Variants in MAP3K10 observed in about 807,000 individuals in gnomAD.
The protein encoded by MAP3K10 is mitogen-activated protein kinase kinase kinase 10.
Under a neutral mutation model 75.0 loss-of-function variants are expected in MAP3K10, and 22 were observed. The ratio of observed to expected loss-of-function variants is 0.29; its 90% CI spans 0.21 to 0.42. MAP3K10 has a LOEUF of 0.42. MAP3K10 is among the 10% of genes least tolerant of loss of function. The probability of loss-of-function intolerance (pLI) is 1.00; values close to 1 mark genes in which losing one functional copy is unlikely to be tolerated. For synonymous variants in MAP3K10, 599 were observed against 612.9 expected, an observed-to-expected ratio of 0.98 and a Z score of 0.34; for missense variants, 1,165 against 1,379.8, an observed-to-expected ratio of 0.84 and a Z score of 2.47.
At chr19:40,196,483 C>T (rs1328255877) in intron 1 of MAP3K10, among the ~76,000 whole-genome samples, 1 of 152,126 alleles carries the variant, frequency 6.6e-6, no homozygotes, top group Non-Finnish European at 1.5e-5. Context: ...CACTGCACTC[C>T]AGTCTGAGTG....
rs548098952 is a variant in MAP3K10 at position 40,209,538 on chromosome 19, G to A, written c.1552+319G>A. Among the ~76,000 whole-genome samples, 52 of 151,528 alleles carry A rather than the reference G, an allele frequency of 3.4e-4. No individual in the cohort carries two copies. In the South Asian group the frequency reaches 5.8e-3, roughly 17 times the overall value. ...AGCGATTCTCCTGCCTCAGCCTCCCGAGTAGCTGTGGTTACAGTCACACAT... is the reference window on the plus strand; with the variant it reads ...AGCGATTCTCCTGCCTCAGCCTCCCAAGTAGCTGTGGTTACAGTCACACAT... On this transcript the variant is annotated intron_variant, in intron 6 of 9. Coordinates refer to ENST00000253055, the MANE Select transcript of MAP3K10 (RefSeq NM_002446.4).
chr19:40,211,140 T>C (rs762019156), intron 6 of MAP3K10, among the ~76,000 whole-genome samples: 1 of 152,036 alleles, frequency 6.6e-6, no homozygotes, highest in Non-Finnish European at 1.5e-5. Flanking sequence ...AGCATGCCCC[T>C]GGCGGAGGGA....
Position 40,192,091 on chromosome 19 carries a change from C to T in MAP3K10, c.60C>T (p.Val20=), listed in dbSNP as rs370034354. 2 of 1,539,260 alleles carry T rather than the reference C, an allele frequency of 1.3e-6. No homozygotes were observed. The highest frequency in any genetic ancestry group is 1.4e-5 in the African/African-American group (1 of 72,944). ...GGGGCACGACCCCCGCGGGGCCCGT[C>T]TGGACCGCGGTGTTCGACTACGAGG... The part of the protein sequence containing the change: ...KEWGTTPAGP[V]WTAVFDYEAA... The change falls in exon 1 of 10, where the codon GTC becomes GTT. Residue 20 remains valine (V), a synonymous_variant. Coordinates refer to ENST00000253055, the MANE Select transcript of MAP3K10 (RefSeq NM_002446.4). The surrounding 1 kb of genome is among the most constrained non-coding windows in gnomAD (Gnocchi z 7.1).
chr19:40,192,681 CCAT>C lies in MAP3K10; in HGVS notation c.655_657del (p.Ile219del). The C allele has an allele frequency of 6.4e-7, 1 of 1,551,852 alleles. No homozygotes were observed. Among genetic ancestry groups the C allele is most frequent in the Non-Finnish European group, 8.7e-7 (1 of 1,147,996 alleles). On this transcript the variant is annotated inframe_deletion, in exon 1 of 10. Transcript: ENST00000253055. This position sits in a 1 kb window ranked among gnomAD's most constrained non-coding sequence, Gnocchi z 7.1. The stretch of plus-strand genomic sequence containing the variant: ...TACCTACACAATGATGCCCCTGTGC[CCAT>C]CATCCACCGGGACCTCAAGTCCATC...
intron 5 of MAP3K10, among the ~76,000 whole-genome samples, chr19:40,208,363 T>TTTTTTATTTTTTTTA (rs1555756667): frequency 1.8e-5 from 2 of 111,892 alleles, no homozygotes; most frequent in African/African-American, 7.3e-5. Flanking sequence ...TTTTTTTTTT[T>TTTTTTATTTTTTTTA]TTTTTTGTAT....
Position 40,197,487 on chromosome 19 carries a change from G to A in MAP3K10, c.683-888G>A, listed in dbSNP as rs1392388564. Among the ~76,000 whole-genome samples the A allele has an allele frequency of 5.3e-5, 8 of 151,974 alleles. No homozygotes were observed. The South Asian group carries it at 8.3e-4, about 16-fold the overall frequency. ...ATTACAGGTGAGCACCATGATGCTC[G>A]GCTAATTTTTGTATTTTTAGTAGAG... is the stretch of plus-strand genomic sequence containing the variant. On this transcript the variant is annotated intron_variant, in intron 1 of 9. Transcript: ENST00000253055.
In MAP3K10 at chr19:40,212,147, G is replaced by A. The variant is rs1973252258; in HGVS notation, c.1553-658G>A. On this transcript the variant is annotated intron_variant, in intron 6 of 9. Transcript: ENST00000253055. This position sits in a 1 kb window ranked among gnomAD's most constrained non-coding sequence, Gnocchi z 4.2. ...GTAAGAAATAAAGGTGGAGAAAGCA[G>A]TGAGATGATGGAGGCCAGGCCAGGG... 6.6e-6 allele frequency among the ~76,000 whole-genome samples: 1 copy of A among 152,234 alleles called. No homozygotes were observed. Among genetic ancestry groups the A allele is most frequent in the African/African-American group, 2.4e-5 (1 of 41,480 alleles).
At position 40,205,233 on chromosome 19, in the gene MAP3K10, G is replaced by A. The variant is rs753608042; in HGVS notation, c.1125G>A (p.Ser375=). The change falls in exon 4 of 10, where the codon TCG becomes TCA. Residue 375 remains serine, a synonymous_variant. Coordinates refer to ENST00000253055, the MANE Select transcript of MAP3K10 (RefSeq NM_002446.4). The surrounding 1 kb of genome is among the most constrained non-coding windows in gnomAD (Gnocchi z 4.3). ...LFQMPLESFH[S]LQEDWKLEIQ... ...AGATGCCACTGGAGTCCTTCCACTC[G>A]CTGCAGGAAGACTGGAAGCTGGAGA... 1.6e-5 allele frequency: 26 copies of A among 1,613,954 alleles called. No individual in the cohort carries two copies. Among genetic ancestry groups the A allele is most frequent in the South Asian group, 5.5e-5 (5 of 91,080 alleles).
chr19:40,200,023 G>A (rs925866305), intron 2 of MAP3K10, among the ~76,000 whole-genome samples: 3 of 152,092 alleles, frequency 2.0e-5, no homozygotes, highest in South Asian at 2.1e-4. Flanking sequence ...GGCCAGGCGC[G>A]GTGGCTCACG....
intron 5 of MAP3K10, among the ~76,000 whole-genome samples, chr19:40,206,962 T>G (rs1568491477): frequency 6.6e-6 from 1 of 152,020 alleles, no homozygotes; most frequent in Non-Finnish European, 1.5e-5. Context: ...CTGGGTGTGG[T>G]GGTGCACACG....
chr19:40,208,371 T>TTTTA (rs1973173345), intron 5 of MAP3K10, among the ~76,000 whole-genome samples: 12 of 116,166 alleles, frequency 1.0e-4, no homozygotes, highest in Admixed American at 6.1e-4. Flanking sequence ...TTTTTTTTTG[T>TTTTA]ATTTTTAGTA....
intron 5 of MAP3K10, among the ~76,000 whole-genome samples, chr19:40,208,369 TG>T (rs1442537371): frequency 1.9e-4 from 22 of 114,598 alleles, no homozygotes; most frequent in Middle Eastern, 4.1e-3. Context: ...TTTTTTTTTT[TG>T]TATTTTTAGT....
chr19:40,196,811 T>C (rs1972916115), intron 1 of MAP3K10, among the ~76,000 whole-genome samples: 1 of 152,068 alleles, frequency 6.6e-6, no homozygotes, highest in Non-Finnish European at 1.5e-5. Context: ...GAGCCACTGC[T>C]CCTGGCCAAC....
At chr19:40,194,500 T>G (rs1459036021) in intron 1 of MAP3K10, among the ~76,000 whole-genome samples, 9 of 152,180 alleles carry the variant, frequency 5.9e-5, no homozygotes, top group Admixed American at 5.9e-4. Flanking sequence ...AGGCTGGGAC[T>G]CCTCAGCCCT....
intron 2 of MAP3K10, among the ~76,000 whole-genome samples, chr19:40,202,317 G>A (rs967991569): frequency 5.3e-5 from 8 of 152,222 alleles, no homozygotes; most frequent in Admixed American, 5.2e-4. Context: ...TGGGATTACA[G>A]GCGTGAGCCA....
chr19:40,196,146 T>G (rs950575634), intron 1 of MAP3K10, among the ~76,000 whole-genome samples: 1 of 152,176 alleles, frequency 6.6e-6, no homozygotes, highest in African/African-American at 2.4e-5. Context: ...TACAGGGTTA[T>G]GCACCTAGGA....
In MAP3K10 at chr19:40,198,258, G is replaced by A. The variant is rs1175939989; in HGVS notation, c.683-117G>A. 5.2e-6 allele frequency: 5 copies of A among 955,246 alleles called. No homozygotes were observed. Among genetic ancestry groups the A allele is most frequent in the East Asian group, 2.6e-5 (1 of 38,524 alleles). 59.2% of individuals were successfully genotyped at this position (955,246 alleles called of 1,614,324 possible). ...GCCAGGAAAGGACCTGCCACAGAGC[G>A]GGGCAGCCTGAGGCAGTGAGAGGAA... On this transcript the variant is annotated intron_variant, in intron 1 of 9. Coordinates refer to ENST00000253055, the MANE Select transcript of MAP3K10 (RefSeq NM_002446.4). The surrounding 1 kb of genome is among the most constrained non-coding windows in gnomAD (Gnocchi z 4.3).
Position 40,208,363 on chromosome 19 carries a change from TTTTTTTG to T in MAP3K10, c.1436-738_1436-732del, listed in dbSNP as rs1435072478. On this transcript the variant is annotated intron_variant, in intron 5 of 9. Transcript: ENST00000253055. ...TTTCTTTCTTTTTTTTTTTTTTTTT[TTTTTTTG>T]TATTTTTAGTAGAGACAGGGTTTCA... Among the ~76,000 whole-genome samples, 307 of 111,924 alleles carry T rather than the reference TTTTTTTG, an allele frequency of 2.7e-3. 3 individuals are homozygous for T. Among genetic ancestry groups the T allele is most frequent in the Middle Eastern group, 0.019 (4 of 216 alleles). The allele number at this position is 111,924 out of a possible 152,430, so 73.4% of individuals were successfully genotyped here.
In MAP3K10 at chr19:40,192,795, C is replaced by T. The variant is rs1358593044; in HGVS notation, c.682+82C>T. ...AGGTGGTGGGAAACAGGGTGAGGGACACCAGATGACACTGTGCCTGGAGTG... is the reference window on the plus strand; with the variant it reads ...AGGTGGTGGGAAACAGGGTGAGGGATACCAGATGACACTGTGCCTGGAGTG... On this transcript the variant is annotated intron_variant, in intron 1 of 9. Transcript: ENST00000253055. This position sits in a 1 kb window ranked among gnomAD's most constrained non-coding sequence, Gnocchi z 7.1. 5 of 1,065,726 alleles carry T rather than the reference C, an allele frequency of 4.7e-6. No homozygotes were observed. Among genetic ancestry groups the T allele is most frequent in the Non-Finnish European group, 6.6e-6 (5 of 762,116 alleles). 66.0% of individuals were successfully genotyped at this position (1,065,726 alleles called of 1,614,324 possible). A position where few individuals can be genotyped will look rare whatever the true frequency, so the allele number is the denominator to read the frequency against.
Sources: gnomAD v4.1 joint callset for allele counts (sites outside exome capture counted in the v4.1 genomes callset) on GRCh38, gnomAD v4.1.1 for gene constraint, Gnocchi (gnomAD v3.1) non-coding constraint, MANE v1.5 for transcripts, NCBI Gene and HGNC (gene_info 2026-07-23, HGNC 2026-07-21) for gene names.